The following NBAS variants were observed in gnomAD, a reference collection of about 807,000 sequenced individuals.
NBAS encodes the protein NAG/BC035112 fusion.
Under a neutral mutation model 302.5 loss-of-function variants are expected in NBAS, and 219 were observed. The ratio of observed to expected loss-of-function variants is 0.72; its 90% CI spans 0.65 to 0.81. NBAS has a LOEUF of 0.81. Ranked by LOEUF, NBAS falls within the 30% of genes least tolerant of loss-of-function variation. The pLI is 0.00. For missense variants in NBAS, 2,932 were observed against 2,841.6 expected (o/e 1.03, Z -0.72); for synonymous variants, 1,118 against 1,021.6 (o/e 1.09, Z -1.80).
chr2:15,200,250 G>A (rs1665814278), intron 48 of NBAS, among the ~76,000 whole-genome samples: 1 of 152,056 alleles, frequency 6.6e-6, no homozygotes, highest in Admixed American at 6.5e-5. Flanking sequence ...GACTAGACAG[G>A]ACAGGAAAAG....
intron 23 of NBAS, among the ~76,000 whole-genome samples, chr2:15,419,691 G>A (rs995410530): frequency 2.0e-5 from 3 of 152,004 alleles, no homozygotes; most frequent in Admixed American, 2.0e-4. Context: ...CTGTGCCAAA[G>A]TACATGTACT....
At chr2:14,931,373 T>A in the NBAS span, among the ~76,000 whole-genome samples, 5 of 152,172 alleles carry the variant, frequency 3.3e-5, no homozygotes, top group Admixed American at 3.3e-4. Flanking sequence ...AGGACCAGGG[T>A]AGACAAACGG....
chr2:14,981,995 C>G, the NBAS span, among the ~76,000 whole-genome samples: 1 of 152,172 alleles, frequency 6.6e-6, no homozygotes, highest in Non-Finnish European at 1.5e-5. Flanking sequence ...TAGTGATTTT[C>G]TTGAACAAAT....
At chr2:15,526,944 C>T (rs1662937228) in intron 9 of NBAS, among the ~76,000 whole-genome samples, 1 of 152,038 alleles carries the variant, frequency 6.6e-6, no homozygotes, top group African/African-American at 2.4e-5. Context: ...CCTACGGTCC[C>T]ACTTACCTTC....
chr2:14,826,677 C>T, the NBAS span, among the ~76,000 whole-genome samples: 2 of 152,228 alleles, frequency 1.3e-5, no homozygotes, highest in African/African-American at 2.4e-5. Flanking sequence ...GAGAGGCTGA[C>T]TGAGTCATGA....
At chr2:15,317,261 C>A (rs191306765) in intron 38 of NBAS, among the ~76,000 whole-genome samples, 201 of 152,222 alleles carry the variant, frequency 1.3e-3, no homozygotes, top group Non-Finnish European at 1.7e-3. Context: ...ACATCAATGA[C>A]CAAAGGTAGA....
At chr2:15,026,824 A>C in the NBAS span, among the ~76,000 whole-genome samples, 3 of 152,190 alleles carry the variant, frequency 2.0e-5, no homozygotes, top group Non-Finnish European at 4.4e-5. Flanking sequence ...TGTAGAATAA[A>C]ATATGGCTTA....
chr2:14,931,941 AC>A, the NBAS span, among the ~76,000 whole-genome samples: 2 of 152,092 alleles, frequency 1.3e-5, no homozygotes. Flanking sequence ...AAGGTTTTTA[AC>A]TTTTTTTCTG....
chr2:15,182,454 C>T (rs546590284), intron 50 of NBAS, among the ~76,000 whole-genome samples: 1 of 152,234 alleles, frequency 6.6e-6, no homozygotes, highest in African/African-American at 2.4e-5. Flanking sequence ...GCAAAAGTGG[C>T]TCAACCCTGA....
the NBAS span, among the ~76,000 whole-genome samples, chr2:14,779,971 T>C: frequency 1.3e-5 from 2 of 152,220 alleles, no homozygotes; most frequent in African/African-American, 4.8e-5. Flanking sequence ...AATATGTCAC[T>C]GGCTGTCACT....
At chr2:15,004,903 T>TCC in the NBAS span, among the ~76,000 whole-genome samples, 6 of 152,130 alleles carry the variant, frequency 3.9e-5, no homozygotes, top group African/African-American at 1.4e-4. Context: ...GTTTATATTT[T>TCC]CAATAGTAAA....
At chr2:15,187,011 C>T (rs1244874237) in intron 49 of NBAS, 131 bp from the exon 50 acceptor site, 2 of 1,324,336 alleles carry the variant, frequency 1.5e-6, no homozygotes, top group Admixed American at 1.8e-5. Flanking sequence ...TGCTTCAAGT[C>T]AACCTTGTAG....
chr2:15,245,236 C>A (rs1015324572), intron 44 of NBAS, among the ~76,000 whole-genome samples: 5 of 152,130 alleles, frequency 3.3e-5, no homozygotes, highest in Non-Finnish European at 7.4e-5. Context: ...CTTCCCCTCA[C>A]CCTGCCTCTC....
At chr2:15,036,890 C>T in the NBAS span, among the ~76,000 whole-genome samples, 1 of 152,056 alleles carries the variant, frequency 6.6e-6, no homozygotes, top group Non-Finnish European at 1.5e-5. Context: ...GGGGCCTGGG[C>T]AGGATGGAAA....
chr2:15,280,757 C>A (rs917597267), intron 42 of NBAS, among the ~76,000 whole-genome samples: 1 of 152,182 alleles, frequency 6.6e-6, no homozygotes, highest in Non-Finnish European at 1.5e-5. Flanking sequence ...TATGAATCAA[C>A]GTGAATGATC....
the NBAS span, among the ~76,000 whole-genome samples, chr2:14,884,383 T>C: frequency 6.6e-6 from 1 of 152,124 alleles, no homozygotes; most frequent in South Asian, 2.1e-4. Context: ...AGCTAATTCA[T>C]GTGCGTGACT....
At chr2:14,851,168 T>C in the NBAS span, among the ~76,000 whole-genome samples, 3 of 131,326 alleles carry the variant, frequency 2.3e-5, no homozygotes, top group African/African-American at 7.9e-5. Flanking sequence ...ATCAACAAAA[T>C]TGATAGACTG....
At chr2:14,820,978 G>A in the NBAS span, among the ~76,000 whole-genome samples, 5 of 151,640 alleles carry the variant, frequency 3.3e-5, no homozygotes, top group East Asian at 9.7e-4. Context: ...CGCCCAGGCT[G>A]GAGTGCAGTG....
At chr2:15,235,582 G>C (rs965857791) in intron 45 of NBAS, among the ~76,000 whole-genome samples, 12 of 152,114 alleles carry the variant, frequency 7.9e-5, no homozygotes, top group African/African-American at 2.9e-4. Flanking sequence ...CTGAATATTT[G>C]ATGATATTAA....
Sources: gnomAD v4.1 joint callset for allele counts (sites outside exome capture counted in the v4.1 genomes callset) on GRCh38, gnomAD v4.1.1 for gene constraint, MANE v1.5 for transcripts, NCBI Gene and HGNC (gene_info 2026-07-23, HGNC 2026-07-21) for gene names.